MTHFSD: variants seen among roughly 807,000 people sequenced by gnomAD.
The protein encoded by MTHFSD is methenyltetrahydrofolate synthase domain-containing protein.
MTHFSD carries 37 observed loss-of-function variants against 31.1 expected under a neutral mutation model. The observed-to-expected ratio is 1.19, with a 90% CI of 0.91 to 1.56. MTHFSD has a LOEUF of 1.56. Among genes scored for constraint, MTHFSD ranks in the 40% most tolerant of loss-of-function variants. The pLI, the probability that MTHFSD is intolerant of heterozygous loss-of-function variation, is 0.00. For missense variants in MTHFSD, 664 were observed against 510.1 expected, an observed-to-expected ratio of 1.30 and a Z score of -2.91; for synonymous variants, 221 against 206.9, an observed-to-expected ratio of 1.07 and a Z score of -0.59.
At chr16:86,550,462 G>A (rs1189982643) in intron 3 of MTHFSD, among the ~76,000 whole-genome samples, 1 of 152,216 alleles carries the variant, frequency 6.6e-6, no homozygotes, top group Non-Finnish European at 1.5e-5. Flanking sequence ...TGACAGCTGA[G>A]AACACCCTGA....
intron 7 of MTHFSD, chr16:86,535,166 G>A: frequency 1.2e-6 from 1 of 866,730 alleles, no homozygotes; most frequent in Admixed American, 6.2e-5. Context: ...CACATTATGA[G>A]CTAACTGGCG....
intron 7 of MTHFSD, chr16:86,535,557 G>A (rs1970576314): frequency 1.0e-6 from 1 of 972,354 alleles, no homozygotes; most frequent in South Asian, 4.8e-5. Context: ...ACTCAAACAT[G>A]AGAAAACATT....
intron 4 of MTHFSD, chr16:86,547,315 T>C (rs978036571): frequency 2.0e-6 from 2 of 985,680 alleles, no homozygotes; most frequent in African/African-American, 1.7e-5. Context: ...ATGTTCATGG[T>C]TCTCATAACA....
intron 5 of MTHFSD, among the ~76,000 whole-genome samples, chr16:86,545,446 T>C (rs1972152603): frequency 6.6e-6 from 1 of 152,094 alleles, no homozygotes; most frequent in Admixed American, 6.6e-5. Flanking sequence ...CCTGATGATA[T>C]TTTCCAAGAG....
chr16:86,548,952 G>C (rs1303738470), intron 3 of MTHFSD, among the ~76,000 whole-genome samples: 1 of 152,082 alleles, frequency 6.6e-6, no homozygotes, highest in Non-Finnish European at 1.5e-5. Flanking sequence ...CACCAAGTGC[G>C]ACACAGTTAC....
chr16:86,545,530 C>T (rs113627921), intron 5 of MTHFSD, among the ~76,000 whole-genome samples: 10 of 152,012 alleles, frequency 6.6e-5, no homozygotes, highest in Non-Finnish European at 1.2e-4. Context: ...GAGAAGGGGC[C>T]GCAACCTAGT....
At chr16:86,541,996 C>G in intron 6 of MTHFSD, 105 bp downstream of exon 6, 1 of 1,340,486 alleles carries the variant, frequency 7.5e-7, no homozygotes, top group Admixed American at 1.9e-5. Flanking sequence ...ATCCACACCA[C>G]TCGCCACACA....
In MTHFSD at chr16:86,531,400, G is replaced by C. The variant is rs376308415; in HGVS notation, c.*611C>G. ...CCGGAGTGTGTCCACAGAGGGAGGA[G>C]CGGGGCTGGGGAGGGGAAGAGGGGA... is the stretch of plus-strand genomic sequence containing the variant. On this transcript the variant is annotated 3_prime_UTR_variant, in exon 8 of 8. Transcript: ENST00000360900. The surrounding 1 kb of genome is among the most constrained non-coding windows in gnomAD (Gnocchi z 5.5). 4.6e-5 allele frequency: 7 copies of C among 152,568 alleles called. No individual in the cohort carries two copies. Among genetic ancestry groups the C allele is most frequent in the African/African-American group, 1.7e-4 (7 of 41,592 alleles). The allele number at this position is 152,568 out of a possible 1,614,324, so 9.5% of individuals were successfully genotyped here.
At position 86,542,264 on chromosome 16, in the gene MTHFSD, A is replaced by C; in HGVS notation, c.443-51T>G. ...CGCTGTGCGGTCCGGGGCATCGCTG[A>C]GAAGTGGATTTTCCATCAGGTCCAG... On this transcript the variant is annotated intron_variant, in intron 5 of 7. Transcript: ENST00000360900. The surrounding 1 kb of genome is among the most constrained non-coding windows in gnomAD (Gnocchi z 4.6). 6.8e-7 allele frequency: 1 copy of C among 1,479,572 alleles called. No individual in the cohort carries two copies. Among genetic ancestry groups the C allele is most frequent in the African/African-American group, 1.4e-5 (1 of 71,838 alleles). The allele number at this position is 1,479,572 out of a possible 1,614,324, so 91.7% of individuals were successfully genotyped here.
At position 86,542,486 on chromosome 16, in the gene MTHFSD, A is replaced by C; in HGVS notation, c.443-273T>G. The C allele has an allele frequency of 1.0e-5, 4 of 385,548 alleles. No homozygotes were observed. The highest frequency in any genetic ancestry group is 4.8e-5 in the South Asian group (1 of 20,992). The allele number at this position is 385,548 out of a possible 1,614,324, so 23.9% of individuals were successfully genotyped here. A position where few individuals can be genotyped will look rare whatever the true frequency, so the allele number is the denominator to read the frequency against. On this transcript the variant is annotated intron_variant, in intron 5 of 7. Transcript: ENST00000360900. This position sits in a 1 kb window ranked among gnomAD's most constrained non-coding sequence, Gnocchi z 4.6. ...ACCGTTCAAGCATGTCACAAAGGGA[A>C]ACAGATCACACTCATGTCAGCTTTA...
At position 86,542,653 on chromosome 16, in the gene MTHFSD, G is replaced by A; in HGVS notation, c.443-440C>T. The A allele has an allele frequency of 6.1e-6, 1 of 164,410 alleles. No homozygotes were observed. Among genetic ancestry groups the A allele is most frequent in the Non-Finnish European group, 1.3e-5 (1 of 75,928 alleles). The allele number at this position is 164,410 out of a possible 1,614,324, so 10.2% of individuals were successfully genotyped here. A position where few individuals can be genotyped will look rare whatever the true frequency, so the allele number is the denominator to read the frequency against. On this transcript the variant is annotated intron_variant, in intron 5 of 7. Transcript: ENST00000360900. This position sits in a 1 kb window ranked among gnomAD's most constrained non-coding sequence, Gnocchi z 4.6. ...TGCTCTGAAGTCAGGAGTGTGTGAGGGCATGGCCTTGTTTCTTCAAAAGCA... is the reference window on the plus strand; with the variant it reads ...TGCTCTGAAGTCAGGAGTGTGTGAGAGCATGGCCTTGTTTCTTCAAAAGCA...
rs117595873 is a variant in MTHFSD, at chr16:86,553,682, G to A, written c.123+963C>T. On this transcript the variant is annotated intron_variant, in intron 2 of 7. Transcript: ENST00000360900. ...TGCAGCTAGAGCCTCCCCGAGGAGC[G>A]ACGCTCCTGCTCCACGGTGCCTGGT... 644 of 153,436 alleles carry A rather than the reference G, an allele frequency of 4.2e-3. 9 individuals are homozygous for A. Among genetic ancestry groups the A allele is most frequent in the East Asian group, 0.012 (64 of 5,230 alleles). 9.5% of individuals were successfully genotyped at this position (153,436 alleles called of 1,614,324 possible).
At chr16:86,544,532 C>T (rs1159156517) in intron 5 of MTHFSD, among the ~76,000 whole-genome samples, 2 of 152,140 alleles carry the variant, frequency 1.3e-5, no homozygotes, top group African/African-American at 2.4e-5. Context: ...AATGAGACAC[C>T]ACCTCATGCC....
chr16:86,548,640 T>C lies in MTHFSD; in HGVS notation c.238-63A>G. 3 of 1,356,452 alleles carry C rather than the reference T, an allele frequency of 2.2e-6. No homozygotes were observed. The South Asian group carries it at 4.0e-5, about 18-fold the overall frequency. 84.0% of individuals were successfully genotyped at this position (1,356,452 alleles called of 1,614,324 possible). Reference sequence around the variant, plus strand: ...AATTATTCCATAGGACTTTCTTATATGTATTTTTACCATTTCAGGAGAAGA... The same window carrying C: ...AATTATTCCATAGGACTTTCTTATACGTATTTTTACCATTTCAGGAGAAGA... On this transcript the variant is annotated intron_variant, in intron 3 of 7. Coordinates refer to ENST00000360900, the MANE Select transcript of MTHFSD (RefSeq NM_001159377.2).
Position 86,530,741 on chromosome 16 carries a change from G to A in MTHFSD, c.*1270C>T, listed in dbSNP as rs1969923516. 6.6e-6 allele frequency: 1 copy of A among 152,250 alleles called. No individual in the cohort carries two copies. The highest frequency in any genetic ancestry group is 1.5e-5 in the Non-Finnish European group (1 of 68,072). 9.4% of individuals were successfully genotyped at this position (152,250 alleles called of 1,614,324 possible). A position where few individuals can be genotyped will look rare whatever the true frequency, so the allele number is the denominator to read the frequency against. On this transcript the variant is annotated 3_prime_UTR_variant, in exon 8 of 8. Transcript: ENST00000360900. ...ACTGGGGACTGAGTCAGCCTCTGAC[G>A]CTGAGCTGAATGCCCAATGACAAAC...
chr16:86,554,450 G>A (rs1038102993), intron 2 of MTHFSD, among the ~76,000 whole-genome samples, 195 bp downstream of exon 2: 2 of 152,190 alleles, frequency 1.3e-5, no homozygotes, highest in African/African-American at 4.8e-5. Flanking sequence ...AGAGACGCAA[G>A]AGGCCCCAGG....
chr16:86,546,048 G>A (rs548420693), intron 5 of MTHFSD, among the ~76,000 whole-genome samples: 1 of 152,338 alleles, frequency 6.6e-6, no homozygotes, highest in East Asian at 1.9e-4. Context: ...TGCCTCACAT[G>A]CAGCGTGGCA....
chr16:86,541,519 T>G, intron 7 of MTHFSD, 178 bp downstream of exon 7: 1 of 855,074 alleles, frequency 1.2e-6, no homozygotes, highest in Admixed American at 2.7e-5. Flanking sequence ...CATACGCAGA[T>G]TCTTAGGCCT....
intron 7 of MTHFSD, among the ~76,000 whole-genome samples, chr16:86,537,107 A>T (rs55708635): frequency 0.12 from 18,482 of 152,210 alleles, 1,218 homozygotes; most frequent in South Asian, 0.28. Flanking sequence ...CTTGGAAAAT[A>T]TTGAACAAAT....
Sources: gnomAD v4.1 joint callset for allele counts (sites outside exome capture counted in the v4.1 genomes callset) on GRCh38, gnomAD v4.1.1 for gene constraint, Gnocchi (gnomAD v3.1) non-coding constraint, MANE v1.5 for transcripts, NCBI Gene and HGNC (gene_info 2026-07-23, HGNC 2026-07-21) for gene names.